FAM53A: variants seen among roughly 807,000 people sequenced by gnomAD.
The protein encoded by FAM53A is family with sequence similarity 53 member A, also known as protein FAM53A.
Under a neutral mutation model 26.6 loss-of-function variants are expected in FAM53A, and 28 were observed. That is an observed-to-expected ratio of 1.05 (90% confidence interval 0.78 to 1.45). FAM53A has a LOEUF of 1.45. Ranked by LOEUF, FAM53A falls within the 40% of genes most tolerant of loss-of-function variation. The pLI, the probability that FAM53A is intolerant of heterozygous loss-of-function variation, is 0.00. For missense variants in FAM53A, 650 were observed against 575.8 expected (o/e 1.13, Z -1.32); for synonymous variants, 290 against 253.1 (o/e 1.15, Z -1.38).
the FAM53A span, among the ~76,000 whole-genome samples, chr4:1,611,915 G>A: frequency 6.6e-6 from 1 of 152,220 alleles, no homozygotes; most frequent in Non-Finnish European, 1.5e-5. Context: ...AGGGGAGGTG[G>A]TTTTATAGGA....
chr4:1,683,333 G>A (rs1577167289), intron 1 of FAM53A: 1 of 152,154 alleles, frequency 6.6e-6, no homozygotes, highest in South Asian at 2.1e-4. Flanking sequence ...GCGACAGGAG[G>A]GTGTTTAAAG....
chr4:1,579,766 T>C, the FAM53A span, among the ~76,000 whole-genome samples: 1 of 151,716 alleles, frequency 6.6e-6, no homozygotes, highest in African/African-American at 2.4e-5. Context: ...TGGCCAGGAG[T>C]GTCCGCGCTG....
rs1452143995 is a variant in FAM53A at position 1,644,042 on chromosome 4, G to A, written c.883-2435C>T. 3 of 1,068,058 alleles carry A rather than the reference G, an allele frequency of 2.8e-6. No individual in the cohort carries two copies. The East Asian group carries it at 7.9e-5, about 28-fold the overall frequency. The allele number at this position is 1,068,058 out of a possible 1,614,324, so 66.2% of individuals were successfully genotyped here. The stretch of plus-strand genomic sequence containing the variant: ...CTGCTGGGCCCCTGCTGGATGGCGT[G>A]GAGGTCCGGGTCTCACCAGCTCGGT... On this transcript the variant is annotated intron_variant, in intron 4 of 4. Coordinates refer to ENST00000308132, the MANE Select transcript of FAM53A (RefSeq NM_001174070.3).
upstream of FAM53A, among the ~76,000 whole-genome samples, chr4:1,685,087 G>T (rs1440592471): frequency 1.3e-5 from 2 of 152,186 alleles, no homozygotes; most frequent in Non-Finnish European, 2.9e-5. Flanking sequence ...GGGCTCGGGT[G>T]TGTCCTGGCT....
chr4:1,644,597 G>T, intron 4 of FAM53A: 1 of 454,340 alleles, frequency 2.2e-6, no homozygotes. Flanking sequence ...CCGGGGCTCC[G>T]TCCCAGCTCC....
chr4:1,666,156 C>A (rs1354692688), intron 2 of FAM53A, among the ~76,000 whole-genome samples: 25 of 138,416 alleles, frequency 1.8e-4, no homozygotes, highest in Admixed American at 7.1e-5. Context: ...GCACCTGCAC[C>A]CCCTGTATCT....
At chr4:1,613,556 G>A (rs369348108), downstream of FAM53A, among the ~76,000 whole-genome samples, 1 of 152,244 alleles carries the variant, frequency 6.6e-6, no homozygotes, top group East Asian at 1.9e-4. Flanking sequence ...CAGGCACCAC[G>A]AGAGAAGAAA....
chr4:1,675,087 T>C (rs912118529), intron 1 of FAM53A, among the ~76,000 whole-genome samples: 2 of 152,080 alleles, frequency 1.3e-5, no homozygotes, highest in Non-Finnish European at 2.9e-5. Context: ...TCTAAGGCAG[T>C]GACATTGAAG....
the FAM53A span, among the ~76,000 whole-genome samples, chr4:1,610,579 G>T: frequency 1.3e-5 from 2 of 152,136 alleles, no homozygotes; most frequent in African/African-American, 4.8e-5. Flanking sequence ...AGGGCAGTGG[G>T]GGTGGCCTGG....
At chr4:1,675,634 C>T (rs1485904969) in intron 1 of FAM53A, among the ~76,000 whole-genome samples, 1 of 152,190 alleles carries the variant, frequency 6.6e-6, no homozygotes, top group Non-Finnish European at 1.5e-5. Flanking sequence ...CAGCTCAAGC[C>T]TGATCCTCAA....
downstream of FAM53A, among the ~76,000 whole-genome samples, chr4:1,615,519 G>A (rs554505782): frequency 6.7e-6 from 1 of 148,580 alleles, no homozygotes; most frequent in South Asian, 2.1e-4. Context: ...AAGACAGGAT[G>A]TGGCCACGCC....
Position 1,655,496 on chromosome 4 carries a change from G to T in FAM53A, c.364C>A (p.Arg122=). Residue 122 remains arginine (R), a synonymous_variant, in exon 4 of 5, where the codon CGG becomes AGG. Coordinates refer to ENST00000308132, the MANE Select transcript of FAM53A (RefSeq NM_001174070.3). ...STAPPTKRHC[R]SLSEPEELVR... ...AGCTCCTCGGGTTCTGACAAGGACC[G>T]GCAATGCCGCTTGGTCGGTGGGGCC... The T allele has an allele frequency of 1.3e-6, 2 of 1,574,500 alleles. No individual in the cohort carries two copies. Among genetic ancestry groups the T allele is most frequent in the East Asian group, 2.3e-5 (1 of 43,086 alleles).
intron 1 of FAM53A, among the ~76,000 whole-genome samples, chr4:1,678,685 G>C (rs572944192): frequency 6.6e-6 from 1 of 152,226 alleles, no homozygotes; most frequent in African/African-American, 2.4e-5. Flanking sequence ...AGCCAGGCGT[G>C]GTGGCGTACA....
intron 1 of FAM53A, among the ~76,000 whole-genome samples, chr4:1,683,029 A>T (rs922789608): frequency 2.6e-5 from 4 of 152,242 alleles, no homozygotes; most frequent in Non-Finnish European, 5.9e-5. Flanking sequence ...TCAACTATCA[A>T]GCCACAGAAG....
chr4:1,678,747 G>A (rs1002277946), intron 1 of FAM53A, among the ~76,000 whole-genome samples: 8 of 151,652 alleles, frequency 5.3e-5, no homozygotes, highest in Non-Finnish European at 7.4e-5. Flanking sequence ...ACTTGAACCC[G>A]GGAGGCAAAG....
rs1477151384 is a variant in FAM53A, at chr4:1,655,313, CGGGCGAGGT to C, written c.538_546del (p.Thr180_Pro182del). On this transcript the variant is annotated inframe_deletion, in exon 4 of 5. Coordinates refer to ENST00000308132, the MANE Select transcript of FAM53A (RefSeq NM_001174070.3). ...CTGGCGGAGGACGGCCGGGGCGTGG[CGGGCGAGGT>C]GGGACCGGTCGACCACACAGCACTC... is the stretch of plus-strand genomic sequence containing the variant. 4.9e-6 allele frequency: 7 copies of C among 1,417,152 alleles called. No homozygotes were observed. Among genetic ancestry groups the C allele is most frequent in the Non-Finnish European group, 6.4e-6 (7 of 1,091,670 alleles). 87.8% of individuals were successfully genotyped at this position (1,417,152 alleles called of 1,614,324 possible).
At chr4:1,608,937 C>T in the FAM53A span, among the ~76,000 whole-genome samples, 2 of 152,016 alleles carry the variant, frequency 1.3e-5, no homozygotes, top group African/African-American at 4.8e-5. Context: ...GGTTTGGAGG[C>T]GGGGCCCAAG....
chr4:1,577,159 C>T, the FAM53A span, among the ~76,000 whole-genome samples: 1 of 152,178 alleles, frequency 6.6e-6, no homozygotes, highest in Non-Finnish European at 1.5e-5. Flanking sequence ...AGATCACCTG[C>T]CTGACCACGT....
At chr4:1,624,797 C>T in intron 1 of FAM53A, among the ~76,000 whole-genome samples, 1 of 152,248 alleles carries the variant, frequency 6.6e-6, no homozygotes. Context: ...CCAGACTCCC[C>T]CAGAGGCCCT....
Sources: allele counts gnomAD v4.1 joint callset (sites outside exome capture counted in the v4.1 genomes callset), GRCh38; gene constraint gnomAD v4.1.1; transcripts MANE v1.5; gene names NCBI Gene and HGNC (gene_info 2026-07-23, HGNC 2026-07-21).